Variants in RAB28 observed in about 807,000 individuals in gnomAD.
RAB28 encodes ras-related protein Rab-28.
In RAB28, 24 loss-of-function variants were observed where a neutral mutation model predicts 31.7. That is an observed-to-expected ratio of 0.76 (90% confidence interval 0.55 to 1.06). The LOEUF (loss-of-function observed/expected upper bound fraction) is 1.06. Ranked by LOEUF, RAB28 falls within the 50% of genes least tolerant of loss-of-function variation. The pLI is 0.00. For synonymous variants in RAB28, 100 were observed against 90.4 expected (o/e 1.11, Z -0.60); for missense variants, 254 against 258.5 (o/e 0.98, Z 0.12).
intron 4 of RAB28, among the ~76,000 whole-genome samples, chr4:13,427,561 A>G (rs549820115): frequency 6.6e-6 from 1 of 152,140 alleles, no homozygotes; most frequent in South Asian, 2.1e-4. Context: ...GGGATTGTGC[A>G]GCGCAAATTA....
At chr4:13,478,235 G>T (rs891016950) in intron 2 of RAB28, among the ~76,000 whole-genome samples, 1 of 151,552 alleles carries the variant, frequency 6.6e-6, no homozygotes, top group Admixed American at 6.6e-5. Flanking sequence ...TTTCAGTTTT[G>T]GATACAATAA....
intron 3 of RAB28, among the ~76,000 whole-genome samples, chr4:13,471,215 A>G (rs1201208325): frequency 6.6e-6 from 1 of 152,130 alleles, no homozygotes; most frequent in Non-Finnish European, 1.5e-5. Context: ...TAAAGCATCT[A>G]TAACTCCAGA....
At chr4:13,446,667 C>T (rs1269797187) in intron 4 of RAB28, among the ~76,000 whole-genome samples, 1 of 152,114 alleles carries the variant, frequency 6.6e-6, no homozygotes, top group East Asian at 1.9e-4. Flanking sequence ...GCTCGCTCTC[C>T]GTGGGTTGCG....
At chr4:13,439,863 C>A (rs181944166) in intron 4 of RAB28, among the ~76,000 whole-genome samples, 3 of 152,316 alleles carry the variant, frequency 2.0e-5, no homozygotes, top group Admixed American at 2.0e-4. Context: ...TGCCCTCAAA[C>A]ACAACTATAT....
chr4:13,444,720 T>C (rs1027616466), intron 4 of RAB28, among the ~76,000 whole-genome samples: 1 of 152,260 alleles, frequency 6.6e-6, no homozygotes, highest in Non-Finnish European at 1.5e-5. Context: ...TATTTAATTG[T>C]GGTTTTAATA....
intron 4 of RAB28, among the ~76,000 whole-genome samples, chr4:13,385,414 G>C (rs1354978115): frequency 6.6e-6 from 1 of 152,052 alleles, no homozygotes; most frequent in African/African-American, 2.4e-5. Flanking sequence ...GATCCTCCAA[G>C]GTTGAAATAA....
chr4:13,456,287 A>G (rs905929381), intron 4 of RAB28, among the ~76,000 whole-genome samples: 2 of 152,230 alleles, frequency 1.3e-5, no homozygotes, highest in Non-Finnish European at 2.9e-5. Flanking sequence ...TTTCTCCAGG[A>G]AAGTTTCACA....
rs77425773 is a variant in RAB28 at position 13,385,141 on chromosome 4, C to A, written c.392-3547G>T. ...GACTGGCTTCCTGAAATAAGTCAGA[C>A]AAGAATAAAGGAAAAAGAATGAAAA... On this transcript the variant is annotated intron_variant, in intron 4 of 6. Transcript: ENST00000330852. 4.3e-3 allele frequency among the ~76,000 whole-genome samples: 658 copies of A among 151,698 alleles called. 6 individuals are homozygous for A. Among genetic ancestry groups the A allele is most frequent in the Middle Eastern group, 0.027 (8 of 294 alleles).
At chr4:13,405,964 C>A (rs552604005) in intron 4 of RAB28, among the ~76,000 whole-genome samples, 1 of 152,034 alleles carries the variant, frequency 6.6e-6, no homozygotes, top group Non-Finnish European at 1.5e-5. Context: ...GAAATCCAAT[C>A]AATGGAAACT....
At chr4:13,452,997 A>AGTCT (rs1297639410) in intron 4 of RAB28, among the ~76,000 whole-genome samples, 1 of 152,084 alleles carries the variant, frequency 6.6e-6, no homozygotes, top group African/African-American at 2.4e-5. Context: ...TCTCTTGCTG[A>AGTCT]ATTCATCCTT....
At chr4:13,478,907 G>A (rs905568639) in intron 2 of RAB28, among the ~76,000 whole-genome samples, 2 of 151,504 alleles carry the variant, frequency 1.3e-5, no homozygotes, top group African/African-American at 4.8e-5. Flanking sequence ...GAGTGCCTAG[G>A]GACCCTAAAT....
chr4:13,381,654 A>G, intron 4 of RAB28, 60 bp from the exon 5 acceptor site: 2 of 1,245,928 alleles, frequency 1.6e-6, no homozygotes, highest in East Asian at 2.5e-5. Flanking sequence ...AACGTTTTTA[A>G]CATGTTTAAA....
At chr4:13,413,834 A>C (rs1477275178) in intron 4 of RAB28, among the ~76,000 whole-genome samples, 2 of 152,242 alleles carry the variant, frequency 1.3e-5, no homozygotes, top group African/African-American at 4.8e-5. Flanking sequence ...AAATGACCAC[A>C]GGCCACATTT....
At chr4:13,440,654 T>G (rs1169720589) in intron 4 of RAB28, among the ~76,000 whole-genome samples, 1 of 152,146 alleles carries the variant, frequency 6.6e-6, no homozygotes, top group African/African-American at 2.4e-5. Context: ...ATTTATAACA[T>G]CAGATCACAA....
chr4:13,415,683 T>A (rs535295817), intron 4 of RAB28, among the ~76,000 whole-genome samples: 1 of 151,906 alleles, frequency 6.6e-6, no homozygotes, highest in Non-Finnish European at 1.5e-5. Flanking sequence ...CCTGGGCTCC[T>A]GTGTGGCCCA....
intron 4 of RAB28, among the ~76,000 whole-genome samples, chr4:13,388,020 T>C (rs749534030): frequency 1.5e-4 from 23 of 152,112 alleles, no homozygotes; most frequent in Non-Finnish European, 3.4e-4. Flanking sequence ...GTGTCAATTT[T>C]CACCCATCAC....
At chr4:13,426,434 C>A (rs142251092) in intron 4 of RAB28, among the ~76,000 whole-genome samples, 1 of 152,102 alleles carries the variant, frequency 6.6e-6, no homozygotes, top group Admixed American at 6.5e-5. Flanking sequence ...CAAAAGACCT[C>A]AAAGCATGCT....
chr4:13,397,480 T>C (rs1240953801), intron 4 of RAB28, among the ~76,000 whole-genome samples: 1 of 152,082 alleles, frequency 6.6e-6, no homozygotes, highest in African/African-American at 2.4e-5. Flanking sequence ...CAGAAGAACA[T>C]ATATAAAAGT....
chr4:13,422,534 G>A (rs1209222196), intron 4 of RAB28, among the ~76,000 whole-genome samples: 1 of 151,476 alleles, frequency 6.6e-6, no homozygotes, highest in African/African-American at 2.5e-5. Flanking sequence ...TTAAGAAAAT[G>A]TGGCACATAT....
Sources: allele counts gnomAD v4.1 joint callset (sites outside exome capture counted in the v4.1 genomes callset), GRCh38; gene constraint gnomAD v4.1.1; transcripts MANE v1.5; gene names NCBI Gene and HGNC (gene_info 2026-07-23, HGNC 2026-07-21).